The following PAK3 variants were observed in gnomAD, a reference collection of about 807,000 sequenced individuals.
PAK3 encodes the protein serine/threonine-protein kinase PAK 3.
A neutral mutation model predicts 41.0 loss-of-function variants in PAK3; 4 were observed. The observed-to-expected ratio is 0.10, with a 90% confidence interval of 0.05 to 0.22. PAK3 has a LOEUF of 0.22. Ranked by LOEUF, PAK3 falls within the 10% of genes least tolerant of loss-of-function variation. The pLI, the probability that PAK3 is intolerant of heterozygous loss-of-function variation, is 1.00. For missense variants in PAK3, 205 were observed against 409.9 expected, an observed-to-expected ratio of 0.50 and a Z score of 4.32; for synonymous variants, 146 against 139.6, an observed-to-expected ratio of 1.05 and a Z score of -0.32.
intron 1 of PAK3, among the ~76,000 whole-genome samples, chrX:110,968,237 G>A (rs764101540): frequency 1.8e-5 from 2 of 112,346 alleles, no homozygotes; most frequent in Non-Finnish European, 3.8e-5. Context: ...ACCAATTGCA[G>A]GACATTTTTG....
intron 1 of PAK3, among the ~76,000 whole-genome samples, chrX:110,990,932 A>G (rs1273188275): frequency 9.0e-6 from 1 of 110,851 alleles, no homozygotes; most frequent in African/African-American, 3.3e-5. Flanking sequence ...GTTCGAGACC[A>G]GCCATTGGCA....
intron 5 of PAK3, among the ~76,000 whole-genome samples, chrX:111,133,133 C>T (rs965134325): frequency 9.8e-5 from 11 of 111,742 alleles, no homozygotes; most frequent in African/African-American, 2.9e-4. Flanking sequence ...ATTCAAAAAC[C>T]TTTCTCAGCA....
intron 4 of PAK3, among the ~76,000 whole-genome samples, chrX:111,112,451 G>T: frequency 9.1e-6 from 1 of 109,747 alleles, no homozygotes; most frequent in Admixed American, 9.8e-5. Context: ...TATATTTTAA[G>T]TCTCTTCAAG....
intron 1 of PAK3, among the ~76,000 whole-genome samples, chrX:111,067,097 T>G (rs960407186): frequency 8.9e-6 from 1 of 111,997 alleles, no homozygotes; most frequent in Non-Finnish European, 1.9e-5. Context: ...ATAGCCATAT[T>G]GTTTGTGAAT....
At chrX:111,076,462 A>T (rs771407037) in intron 1 of PAK3, among the ~76,000 whole-genome samples, 1 of 111,781 alleles carries the variant, frequency 8.9e-6, no homozygotes, top group African/African-American at 3.3e-5. Context: ...TCTTGTTTCC[A>T]GCTCTTGTGA....
intron 4 of PAK3, among the ~76,000 whole-genome samples, chrX:111,110,551 AG>A (rs2093352278): frequency 8.9e-6 from 1 of 111,936 alleles, no homozygotes; most frequent in African/African-American, 3.2e-5. Flanking sequence ...GAATGTTGCA[AG>A]AGTGAAACAA....
chrX:111,177,598 A>G (rs2094419677), intron 11 of PAK3, among the ~76,000 whole-genome samples: 1 of 112,286 alleles, frequency 8.9e-6, no homozygotes, highest in Non-Finnish European at 1.9e-5. Context: ...TAACTCAACA[A>G]CATGAGTTTG....
chrX:111,033,435 C>G (rs750874694), intron 1 of PAK3, among the ~76,000 whole-genome samples: 1 of 112,229 alleles, frequency 8.9e-6, no homozygotes, highest in East Asian at 2.8e-4. Flanking sequence ...CTGAAAGATC[C>G]CACATTGACT....
chrX:111,126,002 A>G (rs1210846642), intron 5 of PAK3, among the ~76,000 whole-genome samples: 1 of 111,843 alleles, frequency 8.9e-6, no homozygotes, highest in African/African-American at 3.2e-5. Flanking sequence ...CACTTGCTTG[A>G]TAGAAATAAA....
chrX:111,093,245 C>A (rs372893602), upstream of PAK3, among the ~76,000 whole-genome samples: 2 of 111,558 alleles, frequency 1.8e-5, no homozygotes, highest in South Asian at 7.7e-4. Flanking sequence ...AACTTCAAAC[C>A]CCTGAGTCTC....
chrX:111,062,290 T>C (rs1226810634), intron 1 of PAK3, among the ~76,000 whole-genome samples: 1 of 112,285 alleles, frequency 8.9e-6, no homozygotes, highest in Non-Finnish European at 1.9e-5. Flanking sequence ...TTTCTAAATT[T>C]TCATGATTAA....
chrX:111,034,825 G>T (rs773525688), intron 1 of PAK3, among the ~76,000 whole-genome samples: 2 of 111,104 alleles, frequency 1.8e-5, no homozygotes, highest in Non-Finnish European at 3.8e-5. Flanking sequence ...TGGTGGCTGG[G>T]CGCAGTGGCT....
intron 11 of PAK3, among the ~76,000 whole-genome samples, chrX:111,174,181 G>T (rs1286069199): frequency 9.0e-6 from 1 of 111,680 alleles, no homozygotes; most frequent in Non-Finnish European, 1.9e-5. Context: ...TCATATATAA[G>T]CTTGACTATT....
intron 5 of PAK3, among the ~76,000 whole-genome samples, chrX:111,135,168 G>C (rs1364667671): frequency 9.0e-6 from 1 of 111,237 alleles, no homozygotes; most frequent in African/African-American, 3.3e-5. Context: ...AGCAATAAAA[G>C]AGGACAATGC....
At chrX:111,141,534 T>TA (rs60159347) in intron 5 of PAK3, among the ~76,000 whole-genome samples, 2 of 112,198 alleles carry the variant, frequency 1.8e-5, no homozygotes, top group East Asian at 2.8e-4. Flanking sequence ...TTTTTAATAA[T>TA]AAAAAAGGTT....
At chrX:111,137,661 A>G (rs1275523765) in intron 5 of PAK3, among the ~76,000 whole-genome samples, 1 of 111,906 alleles carries the variant, frequency 8.9e-6, no homozygotes, top group African/African-American at 3.2e-5. Flanking sequence ...TTTATGAAGT[A>G]GTAGAATAGA....
At chrX:110,956,767 C>G (rs1351619628) in intron 1 of PAK3, among the ~76,000 whole-genome samples, 1 of 111,807 alleles carries the variant, frequency 8.9e-6, no homozygotes, top group African/African-American at 3.3e-5. Flanking sequence ...TGACATTCCT[C>G]CAAGACAACT....
At chrX:111,163,456 A>C (rs1603336360) in intron 9 of PAK3, 106 bp from the exon 10 acceptor site, 1 of 612,162 alleles carries the variant, frequency 1.6e-6, no homozygotes, top group Non-Finnish European at 2.7e-6. Context: ...TTTTTTTTTA[A>C]GAAAATACCA....
intron 15 of PAK3, 51 bp from the exon 16 acceptor site, chrX:111,196,393 G>A (rs1371631305): frequency 2.0e-6 from 2 of 1,010,441 alleles, no homozygotes; most frequent in African/African-American, 3.7e-5. Context: ...GTGATATATT[G>A]TAAAAGGAAA....
Sources: allele counts gnomAD v4.1 joint callset (sites outside exome capture counted in the v4.1 genomes callset), GRCh38; gene constraint gnomAD v4.1.1; transcripts MANE v1.5; gene names NCBI Gene and HGNC (gene_info 2026-07-23, HGNC 2026-07-21).